The following MYRFL variants were observed in gnomAD, a reference collection of about 807,000 sequenced individuals.
MYRFL encodes myelin regulatory factor-like protein.
In MYRFL, 88 loss-of-function variants were observed where a neutral mutation model predicts 109.4. The ratio of observed to expected loss-of-function variants is 0.80; its 90% CI spans 0.68 to 0.96. The LOEUF is 0.96. MYRFL is among the 40% of genes least tolerant of loss of function. The probability of loss-of-function intolerance (pLI) is 0.00; values close to 1 mark genes in which losing one functional copy is unlikely to be tolerated. For missense variants in MYRFL, 957 were observed against 954.9 expected, an observed-to-expected ratio of 1.00 and a Z score of -0.03; for synonymous variants, 324 against 320.9, an observed-to-expected ratio of 1.01 and a Z score of -0.10.
intron 16 of MYRFL, among the ~76,000 whole-genome samples, chr12:69,935,739 C>A (rs148834906): frequency 6.6e-6 from 1 of 152,232 alleles, no homozygotes; most frequent in African/African-American, 2.4e-5. Context: ...ACCGGTGGCA[C>A]GCAAACTGTG....
chr12:69,837,269 C>T (rs1883003411), intron 1 of MYRFL, among the ~76,000 whole-genome samples: 1 of 152,150 alleles, frequency 6.6e-6, no homozygotes, highest in Non-Finnish European at 1.5e-5. Context: ...AAAATTGCCT[C>T]CCTTCTATCC....
chr12:69,870,227 A>ATT (rs71094744), intron 2 of MYRFL, among the ~76,000 whole-genome samples: 5,418 of 110,594 alleles, frequency 0.049, 309 homozygotes, highest in African/African-American at 0.065. Flanking sequence ...CGTCTGGCTA[A>ATT]TTTTTTTTTT....
At chr12:69,903,206 T>C (rs1039835537) in intron 10 of MYRFL, among the ~76,000 whole-genome samples, 4 of 152,256 alleles carry the variant, frequency 2.6e-5, no homozygotes, top group African/African-American at 9.6e-5. Context: ...GAAACTATAA[T>C]AGGGCTAGCT....
intron 1 of MYRFL, among the ~76,000 whole-genome samples, chr12:69,829,184 T>A (rs1882467100): frequency 1.3e-5 from 2 of 152,060 alleles, no homozygotes; most frequent in Admixed American, 1.3e-4. Context: ...GCTCTTGAGA[T>A]CTATGAGGAA....
At chr12:69,939,488 G>C (rs1955575553) in intron 19 of MYRFL, among the ~76,000 whole-genome samples, 1 of 151,868 alleles carries the variant, frequency 6.6e-6, no homozygotes, top group South Asian at 2.1e-4. Context: ...GGTCCTGTCT[G>C]TTAGAAGGAA....
intron 1 of MYRFL, among the ~76,000 whole-genome samples, chr12:69,828,520 C>T (rs61930194): frequency 0.11 from 16,209 of 152,062 alleles, 1,187 homozygotes; most frequent in Middle Eastern, 0.17. Flanking sequence ...CTTTAGAAAT[C>T]TATATGCTTT....
In MYRFL at chr12:69,958,808, T is replaced by C. The variant is rs1430344191; in HGVS notation, c.*277T>C. 3.2e-6 allele frequency: 1 copy of C among 309,638 alleles called. No individual in the cohort carries two copies. The highest frequency in any genetic ancestry group is 2.2e-5 in the African/African-American group (1 of 45,246). The allele number at this position is 309,638 out of a possible 1,614,324, so 19.2% of individuals were successfully genotyped here. ...GTTCTGTTGAATTTAAAAATACTAT[T>C]ATTTCTGGTATTAAGGAAGTTGTGA... is the stretch of plus-strand genomic sequence containing the variant. On this transcript the variant is annotated 3_prime_UTR_variant, in exon 25 of 25. Transcript: ENST00000552032.
intron 1 of MYRFL, among the ~76,000 whole-genome samples, chr12:69,834,915 A>G (rs192817721): frequency 1.3e-5 from 2 of 152,324 alleles, no homozygotes; most frequent in Admixed American, 1.3e-4. Flanking sequence ...GAAACTTAAT[A>G]TATTTCCAAG....
In MYRFL at chr12:69,879,424, C is replaced by T; in HGVS notation, c.435C>T (p.Tyr145=). The change falls in exon 4 of 25, where the codon TAC becomes TAT. Residue 145 remains tyrosine (Y), a synonymous_variant. Transcript: ENST00000552032. ...VSSHLGIGCS[Y]PQQPLCHSPG... ...CCCATCTGGGGATAGGTTGTTCTTACCCTCAGCAGCCTCTGTGTCACAGCC... is the reference window on the plus strand; with the variant it reads ...CCCATCTGGGGATAGGTTGTTCTTATCCTCAGCAGCCTCTGTGTCACAGCC... The T allele has an allele frequency of 1.4e-6, 1 of 702,736 alleles. No homozygotes were observed. 43.5% of individuals were successfully genotyped at this position (702,736 alleles called of 1,614,324 possible). A position where few individuals can be genotyped will look rare whatever the true frequency, so the allele number is the denominator to read the frequency against.
chr12:69,926,765 T>C (rs1350499806), intron 14 of MYRFL, 31 bp downstream of exon 14: 1 of 1,390,384 alleles, frequency 7.2e-7, no homozygotes. Flanking sequence ...CATAGAAATT[T>C]GGGGAAAGGA....
At chr12:69,846,369 G>A (rs1031695844) in intron 1 of MYRFL, among the ~76,000 whole-genome samples, 1 of 142,654 alleles carries the variant, frequency 7.0e-6, no homozygotes, top group African/African-American at 2.7e-5. Flanking sequence ...TCCCCAGAGT[G>A]TGATGTTCCC....
chr12:69,893,814 G>A lies in MYRFL; in HGVS notation c.954G>A (p.Arg318=). The A allele has an allele frequency of 1.4e-6, 2 of 1,384,510 alleles. No individual in the cohort carries two copies. The highest frequency in any genetic ancestry group is 1.9e-6 in the Non-Finnish European group (2 of 1,069,210). 85.8% of individuals were successfully genotyped at this position (1,384,510 alleles called of 1,614,324 possible). A position where few individuals can be genotyped will look rare whatever the true frequency, so the allele number is the denominator to read the frequency against. Reference sequence around the variant, plus strand: ...CTATTGAACAGTCCCAAGCAGATAGGAGCAAAAAGATTTTCAATCCTGTTA... The same window carrying A: ...CTATTGAACAGTCCCAAGCAGATAGAAGCAAAAAGATTTTCAATCCTGTTA... ...IIAIEQSQAD[R]SKKIFNPVKI... Residue 318 remains arginine (R), a synonymous_variant, in exon 8 of 25, where the codon AGG becomes AGA. Coordinates refer to ENST00000552032, the MANE Select transcript of MYRFL (RefSeq NM_182530.3).
intron 2 of MYRFL, among the ~76,000 whole-genome samples, chr12:69,861,862 T>C (rs1356642089): frequency 2.0e-5 from 3 of 151,492 alleles, no homozygotes; most frequent in African/African-American, 7.3e-5. Flanking sequence ...GGTTTTCTTC[T>C]AGGGTTTTTA....
intron 1 of MYRFL, among the ~76,000 whole-genome samples, chr12:69,831,351 C>A (rs1882621644): frequency 6.6e-6 from 1 of 152,128 alleles, no homozygotes; most frequent in Non-Finnish European, 1.5e-5. Flanking sequence ...GCCTGCAAAA[C>A]CTAAAATATT....
chr12:69,895,670 C>T (rs1022479386), intron 9 of MYRFL, among the ~76,000 whole-genome samples, 189 bp downstream of exon 9: 2 of 152,108 alleles, frequency 1.3e-5, no homozygotes, highest in African/African-American at 4.8e-5. Context: ...CTTTCTTCTC[C>T]CAACCCCATG....
At chr12:69,947,706 A>C (rs1955875495) in intron 19 of MYRFL, among the ~76,000 whole-genome samples, 1 of 152,140 alleles carries the variant, frequency 6.6e-6, no homozygotes, top group Non-Finnish European at 1.5e-5. Context: ...TGTTTTGGAG[A>C]CCATGACTCT....
At chr12:69,831,177 TTCA>T (rs1169108919) in intron 1 of MYRFL, among the ~76,000 whole-genome samples, 2 of 152,180 alleles carry the variant, frequency 1.3e-5, no homozygotes, top group Admixed American at 6.6e-5. Context: ...ATGTTAGTTA[TTCA>T]TCATCAACAG....
At chr12:69,851,026 G>C (rs1021495428) in intron 1 of MYRFL, among the ~76,000 whole-genome samples, 1 of 151,608 alleles carries the variant, frequency 6.6e-6, no homozygotes, top group African/African-American at 2.4e-5. Context: ...TATTACAATG[G>C]CTGCATAATA....
chr12:69,952,259 G>A (rs530537529), intron 20 of MYRFL, 84 bp downstream of exon 20: 15 of 1,269,854 alleles, frequency 1.2e-5, no homozygotes, highest in Non-Finnish European at 1.7e-5. Flanking sequence ...GCTGGAGTGA[G>A]GAGCAGGGAC....
Sources: gnomAD v4.1 joint callset for allele counts (sites outside exome capture counted in the v4.1 genomes callset) on GRCh38, gnomAD v4.1.1 for gene constraint, MANE v1.5 for transcripts, NCBI Gene and HGNC (gene_info 2026-07-23, HGNC 2026-07-21) for gene names.